INTS4: variants seen among roughly 807,000 people sequenced by gnomAD.
INTS4 encodes MSTP093.
Under a neutral mutation model 119.5 loss-of-function variants are expected in INTS4, and 70 were observed. The ratio of observed to expected loss-of-function variants is 0.59; its 90% CI spans 0.48 to 0.71. The LOEUF (loss-of-function observed/expected upper bound fraction) is 0.71, where lower values mean the gene tolerates loss of function less well. Ranked by LOEUF, INTS4 falls within the 30% of genes least tolerant of loss-of-function variation. The pLI, the probability that INTS4 is intolerant of heterozygous loss-of-function variation, is 0.00. For synonymous variants in INTS4, 316 were observed against 419.6 expected, an observed-to-expected ratio of 0.75 and a Z score of 3.02; for missense variants, 867 against 1,173.2, an observed-to-expected ratio of 0.74 and a Z score of 3.81.
chr11:77,947,286 A>T (rs1954072366), intron 8 of INTS4, among the ~76,000 whole-genome samples: 1 of 152,214 alleles, frequency 6.6e-6, no homozygotes, highest in Non-Finnish European at 1.5e-5. Flanking sequence ...AGAAATACGG[A>T]CATCCAGATT....
In INTS4 at chr11:77,894,320, T is replaced by C. The variant is rs752802652; in HGVS notation, c.2258A>G (p.Lys753Arg). The change falls in exon 19 of 23, where the codon AAA (lysine) becomes AGA (arginine). Residue 753 changes from lysine to arginine, a missense_variant. This residue lies in a region of INTS4 where 262 missense variants were observed against 376.0 expected (regional missense o/e 0.70). Coordinates refer to ENST00000534064, the MANE Select transcript of INTS4 (RefSeq NM_033547.4). The part of the protein sequence containing the change: ...GLDPLFGMCE[K>R]FLQEVDFFQR... ...AAAAAAGTCTACTTCCTGTAAAAAT[T>C]TTTCACACATCCCAAATAAGGGGTC... 5.1e-6 allele frequency: 8 copies of C among 1,564,728 alleles called. No individual in the cohort carries two copies. In the Admixed American group the frequency reaches 1.4e-4, roughly 28 times the overall value.
At chr11:77,938,425 T>C (rs991908599) in intron 10 of INTS4, among the ~76,000 whole-genome samples, 2 of 152,224 alleles carry the variant, frequency 1.3e-5, no homozygotes, top group African/African-American at 2.4e-5. Context: ...ATAAAAATGC[T>C]GGAATTTAAA....
rs150208376 is a variant in INTS4, at chr11:77,979,164, T to A, written c.365-62A>T. 2.2e-4 allele frequency: 198 copies of A among 908,860 alleles called. No individual in the cohort carries two copies. In the African/African-American group the frequency reaches 2.9e-3, roughly 13 times the overall value. 56.3% of individuals were successfully genotyped at this position (908,860 alleles called of 1,614,324 possible). ...CGAAAGGGGTAACTATATAAACTAATTTACTTGGGTAAAGAATGTAGATTG... is the reference window on the plus strand; with the variant it reads ...CGAAAGGGGTAACTATATAAACTAAATTACTTGGGTAAAGAATGTAGATTG... On this transcript the variant is annotated intron_variant, in intron 3 of 22. Coordinates refer to ENST00000534064, the MANE Select transcript of INTS4 (RefSeq NM_033547.4).
At chr11:77,948,727 T>C (rs1954113133) in intron 8 of INTS4, among the ~76,000 whole-genome samples, 1 of 147,310 alleles carries the variant, frequency 6.8e-6, no homozygotes, top group Non-Finnish European at 1.5e-5. Context: ...TGGATTAAGT[T>C]CTTCAATTAA....
chr11:77,893,713 T>C (rs1446039577), intron 19 of INTS4, among the ~76,000 whole-genome samples: 1 of 151,960 alleles, frequency 6.6e-6, no homozygotes, highest in Non-Finnish European at 1.5e-5. Context: ...GCCAACATGA[T>C]GAAACCCCGT....
At chr11:77,952,428 G>A (rs940137857) in intron 8 of INTS4, among the ~76,000 whole-genome samples, 48 of 152,264 alleles carry the variant, frequency 3.2e-4, no homozygotes, top group Non-Finnish European at 5.4e-4. Flanking sequence ...AAGATTAAAA[G>A]TTACTTGCAA....
chr11:77,900,634 A>G (rs1472634870), intron 18 of INTS4: 6 of 699,336 alleles, frequency 8.6e-6, no homozygotes, highest in African/African-American at 1.8e-5. Context: ...ACTTTTTTGT[A>G]TCAAATCTAT....
intron 11 of INTS4, among the ~76,000 whole-genome samples, chr11:77,926,383 C>A (rs1953500152): frequency 6.6e-6 from 1 of 152,190 alleles, no homozygotes; most frequent in Non-Finnish European, 1.5e-5. Flanking sequence ...TACATAAGTA[C>A]TCACAAATAA....
At chr11:77,979,990 A>C (rs1051173490) in intron 3 of INTS4, among the ~76,000 whole-genome samples, 4 of 118,042 alleles carry the variant, frequency 3.4e-5, no homozygotes, top group African/African-American at 1.4e-4. Context: ...AAAAAAAAAA[A>C]AAAAGAAGAA....
intron 2 of INTS4, among the ~76,000 whole-genome samples, chr11:77,990,135 C>T (rs971603493): frequency 1.3e-5 from 2 of 149,636 alleles, no homozygotes; most frequent in African/African-American, 5.0e-5. Flanking sequence ...AGGAGAATCA[C>T]TTAAACCAAA....
At chr11:77,934,418 T>C (rs1384961297) in intron 10 of INTS4, among the ~76,000 whole-genome samples, 1 of 144,708 alleles carries the variant, frequency 6.9e-6, no homozygotes, top group South Asian at 2.1e-4. Flanking sequence ...AAAAGAATGA[T>C]GCAAATGCCT....
chr11:77,901,200 G>A (rs1044481468), intron 18 of INTS4, among the ~76,000 whole-genome samples: 2 of 152,056 alleles, frequency 1.3e-5, no homozygotes, highest in African/African-American at 2.4e-5. Flanking sequence ...GTCACCAGAG[G>A]GTTTTTAGCA....
intron 8 of INTS4, among the ~76,000 whole-genome samples, chr11:77,944,401 T>C (rs1165306353): frequency 6.6e-6 from 1 of 152,216 alleles, no homozygotes; most frequent in Non-Finnish European, 1.5e-5. Flanking sequence ...TGCATGATAA[T>C]GTACTGCTTT....
chr11:77,980,179 CT>C (rs35541429), intron 3 of INTS4, among the ~76,000 whole-genome samples: 91,411 of 151,354 alleles, frequency 0.6, 28,031 homozygotes, highest in African/African-American at 0.7. Context: ...TACATGCCCC[CT>C]ATCTTTGCTC....
intron 22 of INTS4, among the ~76,000 whole-genome samples, chr11:77,880,007 G>C (rs1951731761): frequency 6.6e-6 from 1 of 152,184 alleles, no homozygotes; most frequent in Non-Finnish European, 1.5e-5. Flanking sequence ...TTTGAGCCCA[G>C]TTCATAAACT....
chr11:77,963,218 CAA>C (rs1855324561), intron 4 of INTS4, among the ~76,000 whole-genome samples: 1 of 151,806 alleles, frequency 6.6e-6, no homozygotes, highest in Admixed American at 6.6e-5. Flanking sequence ...AATCTTAGCC[CAA>C]AAGAGAGTCT....
chr11:77,883,331 T>C lies in INTS4; in HGVS notation c.2713+501A>G, dbSNP rs762917628. ...AAAGCAGGCTTACAGGCTTGAAATGTAATCTCCTTTGTACTTGTATTCTCC... is the reference window on the plus strand; with the variant it reads ...AAAGCAGGCTTACAGGCTTGAAATGCAATCTCCTTTGTACTTGTATTCTCC... On this transcript the variant is annotated intron_variant, in intron 22 of 22. Coordinates refer to ENST00000534064, the MANE Select transcript of INTS4 (RefSeq NM_033547.4). Among the ~76,000 whole-genome samples, 12 of 152,326 alleles carry C rather than the reference T, an allele frequency of 7.9e-5. No individual in the cohort carries two copies. In the South Asian group the frequency reaches 8.3e-4, roughly 11 times the overall value.
chr11:77,951,302 T>C lies in INTS4; in HGVS notation c.918+4640A>G, dbSNP rs1954189084. ...AAGATCCCTGAGGAATCGCTACAGG[T>C]ACCAAAAGAGAGAGATAGACCAATG... On this transcript the variant is annotated intron_variant, in intron 8 of 22. Transcript: ENST00000534064. Among the ~76,000 whole-genome samples, 3 of 152,028 alleles carry C rather than the reference T, an allele frequency of 2.0e-5. No individual in the cohort carries two copies. In the South Asian group the frequency reaches 6.2e-4, roughly 32 times the overall value.
intron 2 of INTS4, among the ~76,000 whole-genome samples, chr11:77,983,074 G>C (rs1856309281): frequency 6.6e-6 from 1 of 152,172 alleles, no homozygotes; most frequent in Non-Finnish European, 1.5e-5. Context: ...GTGAAGCCTG[G>C]ATTCACTACA....
Sources: allele counts gnomAD v4.1 joint callset (sites outside exome capture counted in the v4.1 genomes callset), GRCh38; gene constraint gnomAD v4.1.1; regional missense constraint gnomAD v4.1.1; transcripts MANE v1.5; gene names NCBI Gene and HGNC (gene_info 2026-07-23, HGNC 2026-07-21).